The following ZNF107 variants were observed in gnomAD, a reference collection of about 807,000 sequenced individuals.
ZNF107 encodes the protein C2H2 type zinc-finger protein.
A neutral mutation model predicts 12.3 loss-of-function variants in ZNF107; 19 were observed. The observed-to-expected ratio is 1.55, with a 90% confidence interval of 1.08 to 2.27. The LOEUF (loss-of-function observed/expected upper bound fraction) is 2.27, where lower values mean the gene tolerates loss of function less well. Among genes scored for constraint, ZNF107 ranks in the 30% most tolerant of loss-of-function variants. The pLI is 0.00. For synonymous variants in ZNF107, 317 were observed against 330.5 expected (o/e 0.96, Z 0.44); for missense variants, 958 against 979.9 (o/e 0.98, Z 0.30).
chr7:64,692,383 A>T (rs1430677554), intron 3 of ZNF107, among the ~76,000 whole-genome samples: 1 of 151,950 alleles, frequency 6.6e-6, no homozygotes, highest in Non-Finnish European at 1.5e-5. Context: ...TTATTTGTTG[A>T]TTTTTCTGCC....
intron 2 of ZNF107, 136 bp from the exon 3 acceptor site, chr7:64,691,729 T>G (rs1169379465): frequency 2.5e-6 from 1 of 403,270 alleles, no homozygotes; most frequent in Non-Finnish European, 3.6e-6. Flanking sequence ...ATTTAAAATA[T>G]TTTCTGAATA....
In ZNF107 at chr7:64,708,452, A is replaced by C; in HGVS notation, c.2355A>C (p.Ser785=). 1 of 1,606,260 alleles carries C rather than the reference A, an allele frequency of 6.2e-7. No homozygotes were observed. Reference sequence around the variant, plus strand: ...CTACACATAAGAAAATTCATACTTCAGAGAAACCCTACAAATGTGAAGAAT... The same window carrying C: ...CTACACATAAGAAAATTCATACTTCCGAGAAACCCTACAAATGTGAAGAAT... ...NLTTHKKIHT[S]EKPYKCEECG... is the part of the protein sequence containing the mutation. Residue 785 remains serine (S), a synonymous_variant, in exon 4 of 4, where the codon TCA becomes TCC. Coordinates refer to ENST00000620827, the MANE Select transcript of ZNF107 (RefSeq NM_001282359.2).
At chr7:64,691,528 AAT>A (rs1444287587) in intron 2 of ZNF107, among the ~76,000 whole-genome samples, 154 bp downstream of exon 2, 4 of 152,188 alleles carry the variant, frequency 2.6e-5, no homozygotes, top group Admixed American at 2.0e-4. Context: ...TGTAGAAAAT[AAT>A]TCCTTCAAGA....
chr7:64,696,924 C>T (rs998832432), intron 3 of ZNF107, among the ~76,000 whole-genome samples: 16 of 152,010 alleles, frequency 1.1e-4, no homozygotes, highest in Non-Finnish European at 1.6e-4. Context: ...CCCAGTAACT[C>T]GTCATTTACA....
At chr7:64,692,940 C>T (rs1015770779) in intron 3 of ZNF107, among the ~76,000 whole-genome samples, 3 of 151,940 alleles carry the variant, frequency 2.0e-5, no homozygotes, top group African/African-American at 7.2e-5. Context: ...ATATGATCTG[C>T]AACCAGCAAC....
At chr7:64,681,543 C>T (rs73698904) in intron 1 of ZNF107, among the ~76,000 whole-genome samples, 5,607 of 152,098 alleles carry the variant, frequency 0.037, 350 homozygotes, top group African/African-American at 0.13. Context: ...GCTCCTCTAA[C>T]GTCTCCCTTC....
chr7:64,708,581 A>C lies in ZNF107; in HGVS notation c.2484A>C (p.Leu828=). The C allele has an allele frequency of 6.2e-7, 1 of 1,612,042 alleles. No homozygotes were observed. The highest frequency in any genetic ancestry group is 8.5e-7 in the Non-Finnish European group (1 of 1,179,020). Residue 828 remains leucine (L), a synonymous_variant, in exon 4 of 4, where the codon CTA becomes CTC. Coordinates refer to ENST00000620827, the MANE Select transcript of ZNF107 (RefSeq NM_001282359.2). Reference sequence around the variant, plus strand: ...GAGATTATGGCAGAGCTTTCAACCTATCCTCAAATCTTACTACACATAAGA... The same window carrying C: ...GAGATTATGGCAGAGCTTTCAACCTCTCCTCAAATCTTACTACACATAAGA... The part of the protein sequence containing the change: ...KCGDYGRAFN[L]SSNLTTHKKI...
chr7:64,670,756 T>A (rs1423273473), intron 1 of ZNF107, among the ~76,000 whole-genome samples: 2 of 152,202 alleles, frequency 1.3e-5, no homozygotes, highest in Non-Finnish European at 1.5e-5. Flanking sequence ...GTCCTATACA[T>A]TTTTTCCATT....
chr7:64,681,524 T>G (rs1269502310), intron 1 of ZNF107, among the ~76,000 whole-genome samples: 1 of 151,886 alleles, frequency 6.6e-6, no homozygotes, highest in Non-Finnish European at 1.5e-5. Flanking sequence ...CCCTTCACCA[T>G]CCCCACAAGC....
rs184622647 is a variant in ZNF107 at position 64,707,214 on chromosome 7, G to C, written c.1117G>C (p.Glu373Gln). The C allele has an allele frequency of 6.2e-7, 1 of 1,613,560 alleles. No homozygotes were observed. Residue 373 changes from glutamate (E) to glutamine (Q), a missense_variant, in exon 4 of 4, where the codon GAA becomes CAA. Coordinates refer to ENST00000620827, the MANE Select transcript of ZNF107 (RefSeq NM_001282359.2). ...TGGAGGGAAACTCAACAAATGTGAA[G>C]AATGTGACAAAGCTTTTAACCGATC... ...HTGGKLNKCE[E>Q]CDKAFNRSLK... is the part of the protein sequence containing the mutation.
Position 64,708,335 on chromosome 7 carries a change from A to G in ZNF107, c.2238A>G (p.Ser746=), listed in dbSNP as rs1352674387. The G allele has an allele frequency of 7.4e-6, 12 of 1,613,464 alleles. No individual in the cohort carries two copies. Among genetic ancestry groups the G allele is most frequent in the Non-Finnish European group, 1.0e-5 (12 of 1,179,796 alleles). Residue 746 remains serine, a synonymous_variant, in exon 4 of 4, where the codon TCA becomes TCG. Coordinates refer to ENST00000620827, the MANE Select transcript of ZNF107 (RefSeq NM_001282359.2). ...GTGGCAAAGCTTTTAACCTATCCTC[A>G]ACCCTTACTGCACATAAGAAAATTC... ...KECGKAFNLS[S]TLTAHKKIHT...
intron 1 of ZNF107, among the ~76,000 whole-genome samples, chr7:64,681,740 C>T (rs1562829147): frequency 6.6e-6 from 1 of 152,046 alleles, no homozygotes; most frequent in Non-Finnish European, 1.5e-5. Context: ...TACCCATTAA[C>T]TCTCCCATCC....
At chr7:64,686,817 C>A in intron 1 of ZNF107, 1 of 919,504 alleles carries the variant, frequency 1.1e-6, no homozygotes. Context: ...TCCCTCACAC[C>A]TCCGGGCTGA....
At chr7:64,692,160 T>C (rs1790140412) in intron 3 of ZNF107, among the ~76,000 whole-genome samples, 200 bp downstream of exon 3, 1 of 152,188 alleles carries the variant, frequency 6.6e-6, no homozygotes, top group South Asian at 2.1e-4. Context: ...GGATTCTACT[T>C]TCCCTTCAGT....
In ZNF107 at chr7:64,706,774, A is replaced by T. The variant is rs746315300; in HGVS notation, c.677A>T (p.Glu226Val). 30 of 1,613,422 alleles carry T rather than the reference A, an allele frequency of 1.9e-5. No homozygotes were observed. Among genetic ancestry groups the T allele is most frequent in the Non-Finnish European group, 2.3e-5 (27 of 1,179,786 alleles). The change falls in exon 4 of 4, where the codon GAA becomes GTA. Residue 226 changes from glutamate (E) to valine (V), a missense_variant. Physicochemically the swap from Glu to Val is moderately radical, Grantham distance 121. Transcript: ENST00000620827. ...AAACATAAGAGAATTCATACTGGAGAAAAGCCCTACAAATGTGAAGAATGT... is the reference window on the plus strand; with the variant it reads ...AAACATAAGAGAATTCATACTGGAGTAAAGCCCTACAAATGTGAAGAATGT... ...LTKHKRIHTG[E>V]KPYKCEECGK...
At chr7:64,690,662 A>T (rs1464065441) in intron 1 of ZNF107, 2 of 469,632 alleles carry the variant, frequency 4.3e-6, no homozygotes, top group African/African-American at 4.2e-5. Context: ...AAACACAGTG[A>T]AAATTTATCT....
At chr7:64,694,420 G>C (rs1790218586) in intron 3 of ZNF107, among the ~76,000 whole-genome samples, 1 of 152,176 alleles carries the variant, frequency 6.6e-6, no homozygotes. Context: ...CTCAATCTTT[G>C]GCTCTAGCAG....
intron 1 of ZNF107, chr7:64,687,152 C>G (rs1789950109): frequency 1.0e-6 from 1 of 984,648 alleles, no homozygotes; most frequent in African/African-American, 1.8e-5. Flanking sequence ...AGCTGTTTTT[C>G]TCTTGAATGC....
intron 3 of ZNF107, among the ~76,000 whole-genome samples, chr7:64,703,456 A>G (rs990584687): frequency 6.6e-6 from 1 of 152,130 alleles, no homozygotes; most frequent in Non-Finnish European, 1.5e-5. Flanking sequence ...AAACGTTTAG[A>G]TTGAAAGATA....
Sources: gnomAD v4.1 joint callset for allele counts (sites outside exome capture counted in the v4.1 genomes callset) on GRCh38, gnomAD v4.1.1 for gene constraint, MANE v1.5 for transcripts, NCBI Gene and HGNC (gene_info 2026-07-23, HGNC 2026-07-21) for gene names.